RAB7A: variants seen among roughly 807,000 people sequenced by gnomAD.
RAB7A encodes the protein ras-related protein Rab-7a.
A neutral mutation model predicts 24.5 loss-of-function variants in RAB7A; 2 were observed. The observed-to-expected ratio is 0.08, with a 90% CI of 0.03 to 0.26. RAB7A has a LOEUF of 0.26. Ranked by LOEUF, RAB7A falls within the 10% of genes least tolerant of loss-of-function variation. The pLI is 1.00. For missense variants in RAB7A, 118 were observed against 255.7 expected (o/e 0.46, Z 3.67); for synonymous variants, 100 against 95.9 (o/e 1.04, Z -0.25).
rs2070427700 is a variant in RAB7A at position 128,730,753 on chromosome 3, C to T, written c.-9+4394C>T. ...GAAAGCTTGGGAGTTGGTTCCAATG[C>T]TGACCTACAGCATTGGCCTTGTTCA... On this transcript the variant is annotated intron_variant, in intron 1 of 5. Transcript: ENST00000265062. Among the ~76,000 whole-genome samples, 4 of 152,204 alleles carry T rather than the reference C, an allele frequency of 2.6e-5. No individual in the cohort carries two copies. The South Asian group carries it at 8.3e-4, about 32-fold the overall frequency.
intron 1 of RAB7A, among the ~76,000 whole-genome samples, chr3:128,727,602 G>T (rs2070393756): frequency 6.6e-6 from 1 of 152,254 alleles, no homozygotes; most frequent in South Asian, 2.1e-4. Flanking sequence ...CTTAACTGAG[G>T]TTTGAAAAAT....
intron 1 of RAB7A, among the ~76,000 whole-genome samples, chr3:128,755,126 T>C (rs926498193): frequency 1.3e-5 from 2 of 152,176 alleles, no homozygotes; most frequent in African/African-American, 4.8e-5. Flanking sequence ...AAATTAAGAT[T>C]CAAGAGATTT....
intron 1 of RAB7A, among the ~76,000 whole-genome samples, chr3:128,742,141 G>T (rs139666683): frequency 3.7e-4 from 57 of 152,254 alleles, no homozygotes; most frequent in African/African-American, 1.3e-3. Context: ...GAGTGAAGCT[G>T]CAGACCTCCA....
At chr3:128,788,669 G>T (rs1157351654) in intron 1 of RAB7A, among the ~76,000 whole-genome samples, 2 of 152,144 alleles carry the variant, frequency 1.3e-5, no homozygotes, top group Admixed American at 6.5e-5. Flanking sequence ...CTACCTGCAA[G>T]AATTCAGACT....
chr3:128,788,313 A>G (rs754866545), intron 1 of RAB7A, among the ~76,000 whole-genome samples: 13 of 152,236 alleles, frequency 8.5e-5, no homozygotes, highest in Non-Finnish European at 1.8e-4. Flanking sequence ...AAAAAATTGT[A>G]TGCCGAGGTT....
At position 128,811,456 on chromosome 3, in the gene RAB7A, A is replaced by G. The variant is rs139239517; in HGVS notation, c.529-1871A>G. Among the ~76,000 whole-genome samples the G allele has an allele frequency of 1.4e-4, 21 of 152,380 alleles. No homozygotes were observed. The East Asian group carries it at 3.8e-3, about 28-fold the overall frequency. ...TTATCCATGCATTCTAATATTATTC[A>G]GCTATAAGAAGGAATGAAGTAGTGA... On this transcript the variant is annotated intron_variant, in intron 5 of 5. Transcript: ENST00000265062.
At chr3:128,744,364 A>C (rs1321383846) in intron 1 of RAB7A, among the ~76,000 whole-genome samples, 4 of 152,236 alleles carry the variant, frequency 2.6e-5, no homozygotes, top group Non-Finnish European at 5.9e-5. Flanking sequence ...GGCAGACAGA[A>C]AGGCCCATAC....
At chr3:128,740,012 G>A (rs2070534151) in intron 1 of RAB7A, among the ~76,000 whole-genome samples, 1 of 152,158 alleles carries the variant, frequency 6.6e-6, no homozygotes, top group Non-Finnish European at 1.5e-5. Context: ...GTTGCAGTGA[G>A]CCGAGATTGT....
intron 4 of RAB7A, 27 bp from the exon 5 acceptor site, chr3:128,807,516 C>T (rs1933831578): frequency 6.2e-7 from 1 of 1,613,496 alleles, no homozygotes; most frequent in East Asian, 2.2e-5. Flanking sequence ...TGTCATGAGC[C>T]TATGTGCACC....
chr3:128,783,136 C>T (rs1274943395), intron 1 of RAB7A, among the ~76,000 whole-genome samples: 1 of 152,152 alleles, frequency 6.6e-6, no homozygotes, highest in Admixed American at 6.6e-5. Flanking sequence ...AGCCCTTGCA[C>T]CACAGGCACT....
intron 1 of RAB7A, among the ~76,000 whole-genome samples, chr3:128,766,829 C>T (rs909306423): frequency 6.6e-5 from 10 of 152,144 alleles, no homozygotes; most frequent in South Asian, 2.1e-4. Context: ...CATGAGCCAT[C>T]GTGCCTGGCC....
chr3:128,795,299 G>A, intron 1 of RAB7A, 61 bp from the exon 2 acceptor site: 5 of 1,368,320 alleles, frequency 3.7e-6, no homozygotes, highest in Non-Finnish European at 5.2e-6. Context: ...TTGTGCAAGG[G>A]AGGTGTTTTG....
intron 1 of RAB7A, among the ~76,000 whole-genome samples, chr3:128,782,920 TA>T (rs996710483): frequency 2.0e-5 from 3 of 152,154 alleles, no homozygotes; most frequent in African/African-American, 7.2e-5. Flanking sequence ...TGAGGTGTCA[TA>T]ATGGGCAAGA....
chr3:128,786,365 T>G (rs998876409), intron 1 of RAB7A, among the ~76,000 whole-genome samples: 4 of 152,176 alleles, frequency 2.6e-5, no homozygotes, highest in African/African-American at 9.7e-5. Flanking sequence ...CCCAGTGCAG[T>G]AGTATTATGT....
chr3:128,783,444 C>T (rs970025887), intron 1 of RAB7A, among the ~76,000 whole-genome samples: 1 of 151,942 alleles, frequency 6.6e-6, no homozygotes, highest in Non-Finnish European at 1.5e-5. Flanking sequence ...GCAGAAAGGG[C>T]ATTACATTAG....
intron 3 of RAB7A, among the ~76,000 whole-genome samples, chr3:128,804,343 C>G (rs1933759469): frequency 6.6e-6 from 1 of 152,172 alleles, no homozygotes; most frequent in Non-Finnish European, 1.5e-5. Context: ...AAAGTTAACT[C>G]CCACACTGCT....
intron 1 of RAB7A, among the ~76,000 whole-genome samples, chr3:128,774,413 A>G (rs1012066575): frequency 6.6e-6 from 1 of 151,020 alleles, no homozygotes; most frequent in African/African-American, 2.4e-5. Context: ...CCTTTCAACC[A>G]GTCTTCCAGT....
intron 1 of RAB7A, among the ~76,000 whole-genome samples, chr3:128,794,046 C>T (rs1291136449): frequency 6.6e-6 from 1 of 152,184 alleles, no homozygotes; most frequent in African/African-American, 2.4e-5. Flanking sequence ...GGACAGTAGT[C>T]AGGTCTGATA....
intron 1 of RAB7A, among the ~76,000 whole-genome samples, chr3:128,793,062 C>T (rs1326868417): frequency 6.6e-6 from 1 of 151,810 alleles, no homozygotes; most frequent in African/African-American, 2.4e-5. Flanking sequence ...CTCGCTCTGT[C>T]GCCTAGGCTG....
Sources: gnomAD v4.1 joint callset for allele counts (sites outside exome capture counted in the v4.1 genomes callset) on GRCh38, gnomAD v4.1.1 for gene constraint, MANE v1.5 for transcripts, NCBI Gene and HGNC (gene_info 2026-07-23, HGNC 2026-07-21) for gene names.